The following RFFL variants were observed in gnomAD, a reference collection of about 807,000 sequenced individuals.
The protein encoded by RFFL is E3 ubiquitin-protein ligase rififylin.
RFFL carries 16 observed loss-of-function variants against 40.4 expected under a neutral mutation model. That is an observed-to-expected ratio of 0.40 (90% CI 0.27 to 0.60). The LOEUF is 0.60. Ranked by LOEUF, RFFL falls within the 20% of genes least tolerant of loss-of-function variation. RFFL has a pLI of 0.47. For synonymous variants in RFFL, 154 were observed against 167.9 expected (o/e 0.92, Z 0.64); for missense variants, 367 against 451.7 (o/e 0.81, Z 1.70).
intron 1 of RFFL, among the ~76,000 whole-genome samples, chr17:35,059,187 T>G (rs2091278433): frequency 6.6e-6 from 1 of 151,644 alleles, no homozygotes; most frequent in Non-Finnish European, 1.5e-5. Flanking sequence ...CCCAGCTAAT[T>G]TTTGTATTTT....
In RFFL at chr17:35,010,546, G is replaced by A. The variant is rs11658051; in HGVS notation, c.*1422C>T. The A allele has an allele frequency of 6.6e-6, 1 of 152,038 alleles. No homozygotes were observed. Among genetic ancestry groups the A allele is most frequent in the Admixed American group, 6.6e-5 (1 of 15,256 alleles). The allele number at this position is 152,038 out of a possible 1,614,324, so 9.4% of individuals were successfully genotyped here. On this transcript the variant is annotated 3_prime_UTR_variant, in exon 7 of 7. Coordinates refer to ENST00000394597, the MANE Select transcript of RFFL (RefSeq NM_001017368.2). ...AGGCGGGCGGATCATAAGGTCAAGA[G>A]TTCAAGACCAGCCTGGTGAACATGG... is the stretch of plus-strand genomic sequence containing the variant.
intron 1 of RFFL, among the ~76,000 whole-genome samples, chr17:35,034,178 G>A (rs950526340): frequency 6.6e-6 from 1 of 150,938 alleles, no homozygotes; most frequent in Non-Finnish European, 1.5e-5. Flanking sequence ...TAATAATAAT[G>A]ATAATAATTA....
At chr17:35,086,287 A>G (rs1187553176) in intron 1 of RFFL, among the ~76,000 whole-genome samples, 2 of 152,090 alleles carry the variant, frequency 1.3e-5, no homozygotes, top group Admixed American at 1.3e-4. Flanking sequence ...GGCATTTGAG[A>G]TCAGCCTGGG....
intron 1 of RFFL, among the ~76,000 whole-genome samples, chr17:35,030,034 T>G (rs1396475306): frequency 2.0e-5 from 3 of 150,720 alleles, no homozygotes; most frequent in Admixed American, 1.3e-4. Flanking sequence ...TCATTTTTTA[T>G]GGCTGCATAG....
intron 1 of RFFL, among the ~76,000 whole-genome samples, chr17:35,051,719 A>G (rs1482487135): frequency 6.6e-6 from 1 of 152,230 alleles, no homozygotes; most frequent in East Asian, 1.9e-4. Context: ...AAAATGTTTT[A>G]ATAATTAAAC....
In RFFL at chr17:35,021,731, T is replaced by C; in HGVS notation, c.231A>G (p.Gln77=). The change falls in exon 3 of 7, where the codon CAA becomes CAG. Residue 77 remains glutamine (Q), a synonymous_variant. Transcript: ENST00000394597. ...KKNFCMTCSS[Q]VGNGPRLCLL... is the part of the protein sequence containing the mutation. ...GGCAGAGGCGGGGCCCATTCCCTAC[T>C]TGGCTCGAACAGGTCATGCAAAAAT... The C allele has an allele frequency of 6.2e-7, 1 of 1,614,212 alleles. No individual in the cohort carries two copies. The highest frequency in any genetic ancestry group is 1.1e-5 in the South Asian group (1 of 91,078).
At chr17:35,014,051 C>T (rs546053709) in intron 6 of RFFL, among the ~76,000 whole-genome samples, 10 of 152,278 alleles carry the variant, frequency 6.6e-5, no homozygotes, top group South Asian at 2.1e-4. Context: ...ACTCTTAGAA[C>T]GTTCTCTCTT....
intron 6 of RFFL, 146 bp downstream of exon 6, chr17:35,014,594 C>T: frequency 8.1e-6 from 6 of 741,202 alleles, no homozygotes; most frequent in South Asian, 4.7e-5. Flanking sequence ...TGGTGAGAGG[C>T]CCCCTGGGTC....
upstream of RFFL, among the ~76,000 whole-genome samples, chr17:35,065,765 A>G (rs2142373113): frequency 6.6e-6 from 1 of 152,222 alleles, no homozygotes; most frequent in East Asian, 1.9e-4. Flanking sequence ...CAACTGCCCC[A>G]AATTATAGCC....
chr17:35,019,947 G>C (rs887126931), intron 3 of RFFL, among the ~76,000 whole-genome samples: 2 of 152,158 alleles, frequency 1.3e-5, no homozygotes, highest in Admixed American at 1.3e-4. Flanking sequence ...CTGAATCAGG[G>C]GGCCCAGTCC....
chr17:35,049,304 GCACACACACA>G (rs111976707), intron 1 of RFFL, among the ~76,000 whole-genome samples: 1 of 149,828 alleles, frequency 6.7e-6, no homozygotes, highest in African/African-American at 2.5e-5. Context: ...GGTACAGAAT[GCACACACACA>G]CACACACACA....
chr17:35,052,342 T>C (rs2091236317), intron 1 of RFFL, among the ~76,000 whole-genome samples: 1 of 152,228 alleles, frequency 6.6e-6, no homozygotes, highest in Non-Finnish European at 1.5e-5. Flanking sequence ...TGGTCTTTTA[T>C]TAAGATGTTA....
At chr17:35,069,075 G>C (rs532584252) in intron 1 of RFFL, among the ~76,000 whole-genome samples, 1 of 152,054 alleles carries the variant, frequency 6.6e-6, no homozygotes, top group Admixed American at 6.5e-5. Context: ...CTACCTTGCC[G>C]CAGTAACCAT....
chr17:35,017,499 C>CA, intron 4 of RFFL, 24 bp downstream of exon 4: 1 of 1,532,584 alleles, frequency 6.5e-7, no homozygotes, highest in Non-Finnish European at 9.0e-7. Context: ...AAGGTGAAGA[C>CA]ACAGACCCAA....
intron 1 of RFFL, among the ~76,000 whole-genome samples, chr17:35,061,847 A>AT (rs2091293175): frequency 6.6e-6 from 1 of 151,272 alleles, no homozygotes; most frequent in South Asian, 2.1e-4. Context: ...CGCCCAGCTA[A>AT]TTTTTTGTTT....
chr17:35,068,034 CCA>C (rs140146040), upstream of RFFL, among the ~76,000 whole-genome samples: 2,748 of 152,214 alleles, frequency 0.018, 55 homozygotes, highest in South Asian at 0.046. Flanking sequence ...CACCTGTCAC[CCA>C]CAGTCTTGTT....
upstream of RFFL, among the ~76,000 whole-genome samples, chr17:35,067,116 ATTTT>A (rs542174092): frequency 1.4e-5 from 2 of 139,030 alleles, no homozygotes; most frequent in African/African-American, 2.7e-5. Flanking sequence ...CAGAAACTGA[ATTTT>A]TTTTTTTTTT....
In RFFL at chr17:35,052,426, A is replaced by C. The variant is rs552662564; in HGVS notation, c.-9+11150T>G. 2.0e-5 allele frequency among the ~76,000 whole-genome samples: 3 copies of C among 152,334 alleles called. 1 individual carries two copies. The highest frequency in any genetic ancestry group is 4.1e-4 in the South Asian group (2 of 4,826). On this transcript the variant is annotated intron_variant, in intron 1 of 6. Coordinates refer to ENST00000394597, the MANE Select transcript of RFFL (RefSeq NM_001017368.2). The stretch of plus-strand genomic sequence containing the variant: ...ACTCAAGCCACAAAAGGATGGAGAA[A>C]ATCTGACCAGCAGCATGTGGCACAC...
intron 1 of RFFL, among the ~76,000 whole-genome samples, chr17:35,077,544 G>T (rs1282863248): frequency 6.6e-6 from 1 of 152,142 alleles, no homozygotes; most frequent in Non-Finnish European, 1.5e-5. Context: ...TTACAAAGCT[G>T]GTCCTTCACC....
Sources: allele counts gnomAD v4.1 joint callset (sites outside exome capture counted in the v4.1 genomes callset), GRCh38; gene constraint gnomAD v4.1.1; transcripts MANE v1.5; gene names NCBI Gene and HGNC (gene_info 2026-07-23, HGNC 2026-07-21).